The following INPP4B variants were observed in gnomAD, a reference collection of about 807,000 sequenced individuals.
INPP4B encodes inositol polyphosphate-4-phosphatase type II B, also known as inositol polyphosphate 4-phosphatase type II.
A neutral mutation model predicts 122.5 loss-of-function variants in INPP4B; 55 were observed. The ratio of observed to expected loss-of-function variants is 0.45; its 90% CI spans 0.36 to 0.56. The LOEUF is 0.56. Ranked by LOEUF, INPP4B falls within the 20% of genes least tolerant of loss-of-function variation. The pLI, the probability that INPP4B is intolerant of heterozygous loss-of-function variation, is 0.00. For synonymous variants in INPP4B, 403 were observed against 388.7 expected (o/e 1.04, Z -0.43); for missense variants, 1,000 against 1,097.7 (o/e 0.91, Z 1.26).
intron 1 of INPP4B, among the ~76,000 whole-genome samples, chr4:142,789,862 A>T (rs901481536): frequency 6.6e-6 from 1 of 152,158 alleles, no homozygotes; most frequent in African/African-American, 2.4e-5. Flanking sequence ...TCACCAAAAC[A>T]GCATGGTACT....
intron 2 of INPP4B, among the ~76,000 whole-genome samples, chr4:142,540,862 C>T (rs1302049379): frequency 6.6e-6 from 1 of 152,182 alleles, no homozygotes; most frequent in African/African-American, 2.4e-5. Context: ...AGATCAATCA[C>T]ACCAATAATA....
intron 2 of INPP4B, among the ~76,000 whole-genome samples, chr4:142,635,987 A>G (rs1749070779): frequency 6.6e-6 from 1 of 152,180 alleles, no homozygotes; most frequent in African/African-American, 2.4e-5. Flanking sequence ...TTCACCTTGA[A>G]TTATAATAAT....
In INPP4B at chr4:142,594,988, G is replaced by A. The variant is rs917274259; in HGVS notation, c.-191+130851C>T. 2.0e-5 allele frequency among the ~76,000 whole-genome samples: 3 copies of A among 149,696 alleles called. No individual in the cohort carries two copies. The South Asian group carries it at 6.4e-4, about 32-fold the overall frequency. Reference sequence around the variant, plus strand: ...AAAAAAAAAAAAAAAGAAAGGCAGAGCATGAATGCAGTAAACACTATCTCA... The same window carrying A: ...AAAAAAAAAAAAAAAGAAAGGCAGAACATGAATGCAGTAAACACTATCTCA... On this transcript the variant is annotated intron_variant, in intron 2 of 25. Coordinates refer to ENST00000262992, the MANE Select transcript of INPP4B (RefSeq NM_001101669.3).
At chr4:142,807,833 C>T (rs534462906) in intron 1 of INPP4B, among the ~76,000 whole-genome samples, 2 of 152,136 alleles carry the variant, frequency 1.3e-5, no homozygotes, top group Non-Finnish European at 2.9e-5. Context: ...GCTGCCCTAG[C>T]ATTTTGAAAC....
chr4:142,659,981 T>C (rs1178664462), intron 2 of INPP4B, among the ~76,000 whole-genome samples: 6 of 148,818 alleles, frequency 4.0e-5, no homozygotes, highest in Non-Finnish European at 8.9e-5. Flanking sequence ...CAGAGGCAGA[T>C]AACAACAGAG....
intron 16 of INPP4B, among the ~76,000 whole-genome samples, chr4:142,164,748 A>G (rs1821868333): frequency 6.6e-6 from 1 of 151,376 alleles, no homozygotes; most frequent in Non-Finnish European, 1.5e-5. Context: ...TCTTACTTTT[A>G]TTTTTAATTT....
intron 1 of INPP4B, among the ~76,000 whole-genome samples, chr4:142,782,420 G>A (rs1310039359): frequency 9.2e-5 from 14 of 151,446 alleles, no homozygotes; most frequent in East Asian, 1.9e-4. Context: ...CTTTGCTATC[G>A]TGAATAGTGC....
chr4:142,781,046 A>G (rs1774734373), intron 1 of INPP4B, among the ~76,000 whole-genome samples: 1 of 152,194 alleles, frequency 6.6e-6, no homozygotes, highest in Admixed American at 6.5e-5. Flanking sequence ...TGCTATAACA[A>G]TGCGGTTCTT....
intron 12 of INPP4B, among the ~76,000 whole-genome samples, chr4:142,213,007 C>T (rs773966732): frequency 6.6e-6 from 1 of 152,208 alleles, no homozygotes; most frequent in Non-Finnish European, 1.5e-5. Context: ...AGGCCTATGG[C>T]TGTTGTGTGC....
intron 10 of INPP4B, among the ~76,000 whole-genome samples, chr4:142,263,654 A>ATATATATATATG (rs1741302219): frequency 1.3e-5 from 1 of 75,046 alleles, no homozygotes; most frequent in South Asian, 4.3e-4. Context: ...ATATATATAT[A>ATATATATATATG]TATATATATA....
intron 7 of INPP4B, among the ~76,000 whole-genome samples, chr4:142,344,948 A>C (rs1779840562): frequency 6.6e-6 from 1 of 152,058 alleles, no homozygotes; most frequent in Non-Finnish European, 1.5e-5. Flanking sequence ...AGTACACAAC[A>C]GTATTTTCTC....
Position 142,431,283 on chromosome 4 carries a change from T to C in INPP4B, c.-24A>G. Reference sequence around the variant, plus strand: ...ATGATCAACCTTCACAGTTTTAAAATTTTCCAAATTTTCTTGTCCAAATGT... The same window carrying C: ...ATGATCAACCTTCACAGTTTTAAAACTTTCCAAATTTTCTTGTCCAAATGT... On this transcript the variant is annotated 5_prime_UTR_variant, in exon 4 of 26. Transcript: ENST00000262992. 1 of 1,576,470 alleles carries C rather than the reference T, an allele frequency of 6.3e-7. No individual in the cohort carries two copies. Among genetic ancestry groups the C allele is most frequent in the South Asian group, 1.1e-5 (1 of 90,062 alleles).
At chr4:142,533,406 T>C (rs752946342) in intron 2 of INPP4B, among the ~76,000 whole-genome samples, 2 of 152,130 alleles carry the variant, frequency 1.3e-5, no homozygotes, top group African/African-American at 4.8e-5. Flanking sequence ...ACCACTTCTT[T>C]TGATTTTTAA....
At chr4:142,174,098 A>G (rs75174303) in intron 15 of INPP4B, among the ~76,000 whole-genome samples, 2,619 of 152,178 alleles carry the variant, frequency 0.017, 75 homozygotes, top group African/African-American at 0.06. Flanking sequence ...ATGCACATAT[A>G]TGTAATCATG....
At chr4:142,205,347 A>G (rs1229484590) in intron 14 of INPP4B, among the ~76,000 whole-genome samples, 1 of 152,162 alleles carries the variant, frequency 6.6e-6, no homozygotes, top group Non-Finnish European at 1.5e-5. Flanking sequence ...ATGGCTGTAA[A>G]GCAAATTATC....
chr4:142,674,502 A>G (rs1757443466), intron 2 of INPP4B, among the ~76,000 whole-genome samples: 1 of 152,122 alleles, frequency 6.6e-6, no homozygotes, highest in Admixed American at 6.6e-5. Flanking sequence ...CAGGACTTGA[A>G]CTCAGCACTA....
intron 3 of INPP4B, among the ~76,000 whole-genome samples, chr4:142,449,543 A>G (rs1813683034): frequency 6.6e-6 from 1 of 152,108 alleles, no homozygotes; most frequent in Non-Finnish European, 1.5e-5. Context: ...TTCTACTAAA[A>G]ATACAAAAAT....
Position 142,354,490 on chromosome 4 carries a change from A to T in INPP4B, c.373-39728T>A, listed in dbSNP as rs1353842916. ...TCGGTACCTTTTATCTATCTTGGGC[A>T]TTTAAGGAATAAACCGGCCAGAACA... On this transcript the variant is annotated intron_variant, in intron 7 of 25. Coordinates refer to ENST00000262992, the MANE Select transcript of INPP4B (RefSeq NM_001101669.3). Among the ~76,000 whole-genome samples the T allele has an allele frequency of 2.6e-5, 4 of 152,008 alleles. No homozygotes were observed. In the East Asian group the frequency reaches 5.8e-4, roughly 22 times the overall value.
intron 20 of INPP4B, among the ~76,000 whole-genome samples, chr4:142,122,461 GGGAA>G (rs1484281678): frequency 6.6e-6 from 1 of 152,048 alleles, no homozygotes; most frequent in Non-Finnish European, 1.5e-5. Flanking sequence ...TACCCTTTGA[GGGAA>G]GGAAGAACGT....
Sources: allele counts gnomAD v4.1 joint callset (sites outside exome capture counted in the v4.1 genomes callset), GRCh38; gene constraint gnomAD v4.1.1; transcripts MANE v1.5; gene names NCBI Gene and HGNC (gene_info 2026-07-23, HGNC 2026-07-21).